CPA1: variants seen among roughly 807,000 people sequenced by gnomAD.
The protein encoded by CPA1 is carboxypeptidase A1, also known as carboxypeptidase A1 (pancreatic).
A neutral mutation model predicts 48.7 loss-of-function variants in CPA1; 42 were observed. That is an observed-to-expected ratio of 0.86 (90% confidence interval 0.67 to 1.11). The LOEUF (loss-of-function observed/expected upper bound fraction) is 1.11, where lower values mean the gene tolerates loss of function less well. Among genes scored for constraint, CPA1 ranks in the 50% most tolerant of loss-of-function variants. The pLI is 0.00. For synonymous variants in CPA1, 203 were observed against 217.9 expected (o/e 0.93, Z 0.60); for missense variants, 477 against 544.7 (o/e 0.88, Z 1.24).
At chr7:130,386,404 C>T (rs765189721) in intron 9 of CPA1, among the ~76,000 whole-genome samples, 6 of 151,748 alleles carry the variant, frequency 4.0e-5, no homozygotes, top group East Asian at 1.9e-4. Flanking sequence ...TGGTGGTGTG[C>T]GCCTGTAGTC....
chr7:130,383,612 G>A (rs1188232691), intron 5 of CPA1, 72 bp from the exon 6 acceptor site: 2 of 1,421,640 alleles, frequency 1.4e-6, no homozygotes, highest in East Asian at 2.3e-5. Context: ...CATGGGGAAA[G>A]GTGTCCATTG....
Position 130,387,953 on chromosome 7 carries a change from A to C in CPA1, c.1202A>C (p.Lys401Thr), listed in dbSNP as rs782693199. The change falls in exon 10 of 10, where the codon AAG (lysine) becomes ACG (threonine). Residue 401 changes from lysine to threonine, a missense_variant. Lys to Thr is a moderately conservative substitution (Grantham distance 78). Transcript: ENST00000011292. The surrounding 1 kb of genome is among the most constrained non-coding windows in gnomAD (Gnocchi z 4.6). ...LPASQIIPTA[K>T]ETWLALLTIM... ...GCCTCCCAGATCATCCCCACAGCCA[A>C]GGAGACGTGGCTGGCGCTTCTGACC... 1 of 1,614,112 alleles carries C rather than the reference A, an allele frequency of 6.2e-7. No individual in the cohort carries two copies. The highest frequency in any genetic ancestry group is 8.5e-7 in the Non-Finnish European group (1 of 1,179,996).
At chr7:130,383,356 A>T (rs1296496489) in intron 4 of CPA1, 35 bp from the exon 5 acceptor site, 13 of 1,581,988 alleles carry the variant, frequency 8.2e-6, no homozygotes, top group East Asian at 2.2e-5. Flanking sequence ...TCAGCTGTGA[A>T]ATTGCCTCTG....
At position 130,385,359 on chromosome 7, in the gene CPA1, T is replaced by A; in HGVS notation, c.987+14T>A. ...CAGGATGAGCTGGTAGGCACTGACC[T>A]CGGCTTGCCCCCTCGTCCCCAAGGT... On this transcript the variant is annotated intron_variant, in intron 8 of 9. Transcript: ENST00000011292. 1 of 1,613,568 alleles carries A rather than the reference T, an allele frequency of 6.2e-7. No individual in the cohort carries two copies. Among genetic ancestry groups the A allele is most frequent in the East Asian group, 2.2e-5 (1 of 44,872 alleles).
At position 130,381,133 on chromosome 7, in the gene CPA1, C is replaced by G; in HGVS notation, c.101C>G (p.Ala34Gly). ...QVLRISVADE[A>G]QVQKVKELED... ...CTCCGAATCTCTGTAGCCGATGAGG[C>G]CCAGGTACAGAAGGTGAAGGAGCTG... Residue 34 changes from alanine (A) to glycine (G), a missense_variant, in exon 2 of 10, where the codon GCC (alanine) becomes GGC (glycine). Physicochemically the swap from Ala to Gly is moderately conservative, Grantham distance 60. Coordinates refer to ENST00000011292, the MANE Select transcript of CPA1 (RefSeq NM_001868.4). 1 of 1,613,626 alleles carries G rather than the reference C, an allele frequency of 6.2e-7. No individual in the cohort carries two copies. The highest frequency in any genetic ancestry group is 8.5e-7 in the Non-Finnish European group (1 of 1,179,816).
At chr7:130,384,169 A>AT in intron 6 of CPA1, 1 of 412,354 alleles carries the variant, frequency 2.4e-6, no homozygotes, top group Non-Finnish European at 4.4e-6. Context: ...TCCTACTTCT[A>AT]TTTTTACGGC....
Position 130,386,248 on chromosome 7 carries a change from G to A in CPA1, c.1072+325G>A, listed in dbSNP as rs1319223421. 2.0e-5 allele frequency among the ~76,000 whole-genome samples: 3 copies of A among 151,940 alleles called. No homozygotes were observed. The East Asian group carries it at 5.8e-4, about 29-fold the overall frequency. ...AATTCAACTTAAAAAAACACTTCTC[G>A]GGGGCAGGGCACCGTGGCTCATGCT... On this transcript the variant is annotated intron_variant, in intron 9 of 9. Transcript: ENST00000011292.
chr7:130,380,709 C>T, intron 1 of CPA1, 124 bp downstream of exon 1: 1 of 562,776 alleles, frequency 1.8e-6, no homozygotes. Context: ...CCTGGCACCA[C>T]CTGGGACAGC....
rs201117743 is a variant in CPA1, at chr7:130,384,598, C to G, written c.759C>G (p.Pro253=). 10 of 1,614,198 alleles carry G rather than the reference C, an allele frequency of 6.2e-6. No individual in the cohort carries two copies. Among genetic ancestry groups the G allele is most frequent in the Non-Finnish European group, 7.6e-6 (9 of 1,180,020 alleles). Residue 253 remains proline, a synonymous_variant, in exon 7 of 10, where the codon CCC becomes CCG. Coordinates refer to ENST00000011292, the MANE Select transcript of CPA1 (RefSeq NM_001868.4). The part of the protein sequence containing the change: ...TAGSLCIGVD[P]NRNWDAGFGL... ...GCTCCCTCTGTATTGGCGTGGACCC[C>G]AACAGGAACTGGGACGCTGGCTTTG...
intron 2 of CPA1, 81 bp downstream of exon 2, chr7:130,381,260 C>T (rs1473169850): frequency 3.1e-6 from 3 of 960,660 alleles, no homozygotes; most frequent in Non-Finnish European, 3.2e-6. Context: ...CCAACTGTGC[C>T]TGGGCTGTCT....
At chr7:130,381,598 G>C (rs781880086) in intron 2 of CPA1, 32 bp from the exon 3 acceptor site, 1 of 1,566,380 alleles carries the variant, frequency 6.4e-7, no homozygotes, top group Admixed American at 1.7e-5. Flanking sequence ...CCCCCAGCCC[G>C]CTGTGACCGT....
chr7:130,383,226 C>A (rs1796428888), intron 4 of CPA1, among the ~76,000 whole-genome samples, 165 bp from the exon 5 acceptor site: 1 of 152,208 alleles, frequency 6.6e-6, no homozygotes, highest in African/African-American at 2.4e-5. Flanking sequence ...CCTGTCCAGC[C>A]CCCAGCCCCA....
chr7:130,381,072 T>TCACTCCC, intron 1 of CPA1, 26 bp from the exon 2 acceptor site: 1 of 1,601,708 alleles, frequency 6.2e-7, no homozygotes, highest in Non-Finnish European at 8.5e-7. Flanking sequence ...GCTTGGGTGC[T>TCACTCCC]CACTCCCCAC....
Position 130,383,733 on chromosome 7 carries a change from C to A in CPA1, c.635C>A (p.Thr212Asn), listed in dbSNP as rs540251433. The change falls in exon 6 of 10, where the codon ACC becomes AAC. Residue 212 changes from threonine (T) to asparagine (N), a missense_variant. Coordinates refer to ENST00000011292, the MANE Select transcript of CPA1 (RefSeq NM_001868.4). ...GCAGCTTTCACCGCCATTCTCGACA[C>A]CTTGGACATCTTCCTGGAGATCGTC... ...QDAAFTAILD[T>N]LDIFLEIVTN... 12 of 1,614,082 alleles carry A rather than the reference C, an allele frequency of 7.4e-6. No individual in the cohort carries two copies. The East Asian group carries it at 2.7e-4, about 36-fold the overall frequency.
chr7:130,383,727 T>G lies in CPA1; in HGVS notation c.629T>G (p.Leu210Arg), dbSNP rs1554411580. The G allele has an allele frequency of 3.1e-6, 5 of 1,614,182 alleles. No homozygotes were observed. Among genetic ancestry groups the G allele is most frequent in the Non-Finnish European group, 4.2e-6 (5 of 1,180,026 alleles). The change falls in exon 6 of 10, where the codon CTC (leucine) becomes CGC (arginine). Residue 210 changes from leucine (L) to arginine (R), a missense_variant. Coordinates refer to ENST00000011292, the MANE Select transcript of CPA1 (RefSeq NM_001868.4). ...CAGGATGCAGCTTTCACCGCCATTC[T>G]CGACACCTTGGACATCTTCCTGGAG... Reference protein sequence around the residue: ...YGQDAAFTAILDTLDIFLEIV... With the variant: ...YGQDAAFTAIRDTLDIFLEIV...
At chr7:130,384,833 G>A in intron 7 of CPA1, 1 of 613,842 alleles carries the variant, frequency 1.6e-6, no homozygotes, top group Non-Finnish European at 2.9e-6. Flanking sequence ...TTGCAAATGG[G>A]CTAAGGTCTG....
At chr7:130,382,255 G>T (rs541369703) in intron 4 of CPA1, 46 bp downstream of exon 4, 3 of 1,456,992 alleles carry the variant, frequency 2.1e-6, no homozygotes, top group Non-Finnish European at 2.9e-6. Context: ...GGACCCACAC[G>T]TGGCATCCGT....
chr7:130,382,320 T>A, intron 4 of CPA1, 111 bp downstream of exon 4: 4 of 795,008 alleles, frequency 5.0e-6, no homozygotes, highest in Non-Finnish European at 6.3e-6. Context: ...CGCTGTTAAA[T>A]GGACTCCCCA....
intron 6 of CPA1, 62 bp from the exon 7 acceptor site, chr7:130,384,474 A>C (rs1554411698): frequency 1.4e-5 from 19 of 1,312,056 alleles, no homozygotes; most frequent in Admixed American, 3.5e-5. Context: ...ACCACCCCCC[A>C]CCCAGCACTG....
Sources: gnomAD v4.1 joint callset for allele counts (sites outside exome capture counted in the v4.1 genomes callset) on GRCh38, gnomAD v4.1.1 for gene constraint, Gnocchi (gnomAD v3.1) non-coding constraint, MANE v1.5 for transcripts, NCBI Gene and HGNC (gene_info 2026-07-23, HGNC 2026-07-21) for gene names.